OR3A2: variants seen among roughly 807,000 people sequenced by gnomAD.
OR3A2 encodes the protein olfactory receptor 3A2.
For synonymous variants in OR3A2, 126 were observed against 159.3 expected (o/e 0.79, Z 1.57); for missense variants, 318 against 392.8 (o/e 0.81, Z 1.61).
intron 3 of OR3A2, among the ~76,000 whole-genome samples, chr17:3,297,268 T>C (rs932532915): frequency 2.6e-5 from 4 of 152,206 alleles, no homozygotes; most frequent in Non-Finnish European, 4.4e-5. Flanking sequence ...TCACTATAAA[T>C]ACTCTGTGAA....
At chr17:3,373,965 C>A (rs230401) in intron 2 of OR3A2, among the ~76,000 whole-genome samples, 54,431 of 152,038 alleles carry the variant, frequency 0.36, 10,581 homozygotes, top group South Asian at 0.5. Flanking sequence ...TCCAGAACTC[C>A]TTTTAGCATT....
intron 3 of OR3A2, among the ~76,000 whole-genome samples, chr17:3,324,817 G>A (rs952499697): frequency 2.0e-5 from 3 of 152,116 alleles, no homozygotes; most frequent in Non-Finnish European, 4.4e-5. Context: ...AGACCCACTT[G>A]AGGAGGCAGT....
At chr17:3,337,518 T>C (rs1490257190) in intron 2 of OR3A2, among the ~76,000 whole-genome samples, 2 of 151,834 alleles carry the variant, frequency 1.3e-5, no homozygotes, top group East Asian at 1.9e-4. Context: ...AGTGAGAACA[T>C]GTAGTGCTTG....
chr17:3,331,690 A>C (rs7215407), intron 3 of OR3A2, among the ~76,000 whole-genome samples: 21,032 of 148,700 alleles, frequency 0.14, 2,029 homozygotes, highest in African/African-American at 0.27. Flanking sequence ...GTAATTTGAT[A>C]GTCTGAAGCC....
exon 2 of OR3A2, chr17:3,278,807 G>A (rs765847883): frequency 2.0e-6 from 3 of 1,531,228 alleles, no homozygotes; most frequent in Non-Finnish European, 2.7e-6. Context: ...TGACCAGATA[G>A]GCAAAGAGGA....
At chr17:3,323,717 T>C (rs1385455604) in intron 3 of OR3A2, among the ~76,000 whole-genome samples, 2 of 152,258 alleles carry the variant, frequency 1.3e-5, no homozygotes, top group African/African-American at 2.4e-5. Flanking sequence ...GAGTTTCTGC[T>C]GAGAGATCAG....
At chr17:3,297,573 A>G (rs943850515) in intron 3 of OR3A2, among the ~76,000 whole-genome samples, 2 of 151,556 alleles carry the variant, frequency 1.3e-5, no homozygotes, top group African/African-American at 4.9e-5. Flanking sequence ...TTAATTGTAT[A>G]CTTTACGGCT....
At chr17:3,310,362 C>T (rs1402038656) in intron 3 of OR3A2, 1 of 534,666 alleles carries the variant, frequency 1.9e-6, no homozygotes, top group Non-Finnish European at 3.8e-6. Flanking sequence ...GTTTGTCCTG[C>T]TGGGCCTCAC....
chr17:3,292,637 T>C, intron 3 of OR3A2: 1 of 1,430,708 alleles, frequency 7.0e-7, no homozygotes, highest in Non-Finnish European at 9.5e-7. Context: ...CCCAATAATT[T>C]ATTTACTCAA....
chr17:3,356,071 A>T (rs1262326598), intron 2 of OR3A2, among the ~76,000 whole-genome samples: 1 of 151,470 alleles, frequency 6.6e-6, no homozygotes, highest in African/African-American at 2.4e-5. Flanking sequence ...ATGACAGCTT[A>T]ACACTGAGTG....
intron 2 of OR3A2, among the ~76,000 whole-genome samples, chr17:3,341,775 G>T (rs534237895): frequency 6.6e-6 from 1 of 152,222 alleles, no homozygotes; most frequent in South Asian, 2.1e-4. Flanking sequence ...TATCTTTGTG[G>T]TGTTCTCTGT....
chr17:3,383,683 C>T (rs962492822), intron 2 of OR3A2: 5 of 152,116 alleles, frequency 3.3e-5, no homozygotes, highest in Admixed American at 1.3e-4. Context: ...GATGCTACTA[C>T]TCTATACTGG....
rs140693656 is a variant in OR3A2, at chr17:3,319,376, T to C, written c.-85+16657A>G. Among the ~76,000 whole-genome samples, 175 of 152,250 alleles carry C rather than the reference T, an allele frequency of 1.1e-3. 1 individual carries two copies. The highest frequency in any genetic ancestry group is 3.8e-3 in the African/African-American group (156 of 41,556). The stretch of plus-strand genomic sequence containing the variant: ...ATTATTTTTATTTTTTATTCATTTT[T>C]TTAAATTTTATTATTATACTTTAAG... On this transcript the variant is annotated intron_variant, in intron 3 of 4. Coordinates refer to the OR3A2 transcript ENST00000573491.
chr17:3,335,080 C>A (rs1490594710), intron 3 of OR3A2, among the ~76,000 whole-genome samples: 1 of 151,996 alleles, frequency 6.6e-6, no homozygotes. Context: ...ATGAGTGAAG[C>A]CATTATCTCT....
chr17:3,332,292 G>A lies in OR3A2; in HGVS notation c.-85+3741C>T, dbSNP rs11868928. Among the ~76,000 whole-genome samples the A allele has an allele frequency of 3.0e-3, 453 of 151,996 alleles. 2 individuals are homozygous for A. Among genetic ancestry groups the A allele is most frequent in the African/African-American group, 8.9e-3 (368 of 41,438 alleles). On this transcript the variant is annotated intron_variant, in intron 3 of 4. Transcript: ENST00000573491. The stretch of plus-strand genomic sequence containing the variant: ...TACCTAAGCAAGCCTGGGCAATGGC[G>A]GGCGCCCCTCCCCCAGCCTCGCTGC...
intron 3 of OR3A2, among the ~76,000 whole-genome samples, chr17:3,309,674 T>G (rs1375531137): frequency 6.6e-6 from 1 of 152,232 alleles, no homozygotes; most frequent in East Asian, 1.9e-4. Context: ...AGTCACCAGC[T>G]ATGGAGCTGG....
intron 3 of OR3A2, among the ~76,000 whole-genome samples, chr17:3,305,821 G>A (rs1252470471): frequency 6.6e-6 from 1 of 152,162 alleles, no homozygotes; most frequent in Non-Finnish European, 1.5e-5. Context: ...GACGTGTGTG[G>A]ACACGTGCAT....
At chr17:3,291,867 T>C (rs1477388263) in intron 3 of OR3A2, 1 of 1,614,174 alleles carries the variant, frequency 6.2e-7, no homozygotes, top group Non-Finnish European at 8.5e-7. Context: ...GGAGAAGGCT[T>C]TCTTCCTGCC....
rs1248846910 is a variant in OR3A2 at position 3,293,973 on chromosome 17, C to T, written c.-84-14820G>A. On this transcript the variant is annotated intron_variant, in intron 3 of 4. Transcript: ENST00000573491. The stretch of plus-strand genomic sequence containing the variant: ...GCCTGTCATGGGAGGGTGGCCAGGG[C>T]GAGAACATTAGGGAAAAGAGCTAAT... Among the ~76,000 whole-genome samples, 3 of 151,952 alleles carry T rather than the reference C, an allele frequency of 2.0e-5. 1 individual carries two copies. Among genetic ancestry groups the T allele is most frequent in the Non-Finnish European group, 4.4e-5 (3 of 67,960 alleles).
Sources: gnomAD v4.1 joint callset for allele counts (sites outside exome capture counted in the v4.1 genomes callset) on GRCh38, gnomAD v4.1.1 for gene constraint, MANE v1.5 for transcripts, NCBI Gene and HGNC (gene_info 2026-07-23, HGNC 2026-07-21) for gene names.